Variants in MAN2A1 observed in about 807,000 individuals in gnomAD.
The protein encoded by MAN2A1 is mannosidase alpha class 2A member 1.
Under a neutral mutation model 142.6 loss-of-function variants are expected in MAN2A1, and 76 were observed. The observed-to-expected ratio is 0.53, with a 90% CI of 0.44 to 0.65. The LOEUF is 0.65. Among genes scored for constraint, MAN2A1 ranks in the 30% least tolerant of loss-of-function variants. MAN2A1 has a pLI of 0.00. For synonymous variants in MAN2A1, 559 were observed against 473.2 expected (o/e 1.18, Z -2.35); for missense variants, 1,311 against 1,365.1 (o/e 0.96, Z 0.62).
intron 4 of MAN2A1, among the ~76,000 whole-genome samples, chr5:109,751,488 G>T (rs1309733820): frequency 6.6e-6 from 1 of 151,940 alleles, no homozygotes; most frequent in African/African-American, 2.4e-5. Flanking sequence ...TCCCTTTGGT[G>T]TACTGATTTT....
At chr5:109,813,498 C>T (rs576665833) in intron 12 of MAN2A1, among the ~76,000 whole-genome samples, 1 of 152,324 alleles carries the variant, frequency 6.6e-6, no homozygotes, top group African/African-American at 2.4e-5. Flanking sequence ...CTTATATGTC[C>T]AGTGAGAAGA....
intron 12 of MAN2A1, among the ~76,000 whole-genome samples, chr5:109,795,226 A>G (rs1351211407): frequency 2.6e-5 from 4 of 152,148 alleles, no homozygotes; most frequent in Admixed American, 1.3e-4. Context: ...TCAAGAAAAT[A>G]TAAAGGTCTC....
intron 4 of MAN2A1, among the ~76,000 whole-genome samples, chr5:109,747,978 G>A (rs773185681): frequency 2.0e-5 from 3 of 152,056 alleles, no homozygotes; most frequent in Admixed American, 6.6e-5. Context: ...GTGTTGTACC[G>A]TGCTTTTTAA....
intron 4 of MAN2A1, among the ~76,000 whole-genome samples, chr5:109,739,133 TGCTC>T: frequency 6.6e-6 from 1 of 152,186 alleles, no homozygotes; most frequent in African/African-American, 2.4e-5. Context: ...TCAGCCACTG[TGCTC>T]AGTCCGTATA....
intron 11 of MAN2A1, among the ~76,000 whole-genome samples, 155 bp from the exon 12 acceptor site, chr5:109,789,305 G>GT (rs1414030865): frequency 1.3e-5 from 2 of 151,664 alleles, no homozygotes; most frequent in African/African-American, 4.8e-5. Flanking sequence ...ATAACTAGTT[G>GT]TTTTGCTTGG....
At position 109,784,932 on chromosome 5, in the gene MAN2A1, C is replaced by T; in HGVS notation, c.1760+6C>T. 1 of 1,555,726 alleles carries T rather than the reference C, an allele frequency of 6.4e-7. No individual in the cohort carries two copies. The highest frequency in any genetic ancestry group is 8.7e-7 in the Non-Finnish European group (1 of 1,155,186). ...GTTGTGGATTATGGTACCAGGTAAT[C>T]TAATTATAGAAAAATCATCTTTAAA... On this transcript the variant is annotated splice_donor_region_variant and intron_variant, in intron 10 of 21. Transcript: ENST00000261483.
intron 4 of MAN2A1, among the ~76,000 whole-genome samples, chr5:109,749,755 A>C (rs1433745947): frequency 6.6e-6 from 1 of 152,040 alleles, no homozygotes; most frequent in Admixed American, 6.6e-5. Context: ...TTTAAATTCT[A>C]ATGTTTTTAA....
chr5:109,763,424 AT>A (rs1434654209), intron 5 of MAN2A1, among the ~76,000 whole-genome samples: 1 of 151,546 alleles, frequency 6.6e-6, no homozygotes. Context: ...AGGATATGAC[AT>A]TTCTTTGTAT....
chr5:109,753,633 C>A (rs1752605062), intron 4 of MAN2A1, among the ~76,000 whole-genome samples: 1 of 152,156 alleles, frequency 6.6e-6, no homozygotes, highest in Non-Finnish European at 1.5e-5. Flanking sequence ...GTTATATGAT[C>A]ATGCATATGT....
At chr5:109,716,019 A>G (rs1162235146) in intron 2 of MAN2A1, 101 bp from the exon 3 acceptor site, 1 of 675,184 alleles carries the variant, frequency 1.5e-6, no homozygotes, top group Admixed American at 3.3e-5. Context: ...ATTTTATAAA[A>G]TACATATGCA....
At chr5:109,817,587 G>A in intron 13 of MAN2A1, 149 bp downstream of exon 13, 1 of 676,562 alleles carries the variant, frequency 1.5e-6, no homozygotes, top group South Asian at 2.2e-5. Flanking sequence ...TTAACTGGTG[G>A]GTCAAATGAC....
At chr5:109,790,393 TAA>T (rs1397094969) in intron 12 of MAN2A1, among the ~76,000 whole-genome samples, 11 of 151,926 alleles carry the variant, frequency 7.2e-5, no homozygotes, top group Non-Finnish European at 1.6e-4. Context: ...AAGCATAGAC[TAA>T]AGTCTTAGTT....
chr5:109,832,686 G>C (rs989399577), intron 16 of MAN2A1, among the ~76,000 whole-genome samples: 1 of 152,194 alleles, frequency 6.6e-6, no homozygotes, highest in African/African-American at 2.4e-5. Flanking sequence ...TGAGCTGCTA[G>C]GTACACCTCC....
At chr5:109,750,132 T>C (rs1752506807) in intron 4 of MAN2A1, among the ~76,000 whole-genome samples, 1 of 152,080 alleles carries the variant, frequency 6.6e-6, no homozygotes, top group Non-Finnish European at 1.5e-5. Context: ...GTTATTGCTA[T>C]GCTTCTCAGT....
rs940957470 is a variant in MAN2A1 at position 109,697,260 on chromosome 5, A to G, written c.135+6708A>G. Among the ~76,000 whole-genome samples, 3 of 152,146 alleles carry G rather than the reference A, an allele frequency of 2.0e-5. No individual in the cohort carries two copies. The East Asian group carries it at 5.8e-4, about 29-fold the overall frequency. On this transcript the variant is annotated intron_variant, in intron 1 of 21. Transcript: ENST00000261483. ...ATTGTTTTTATTTCTGTTAATTTTG[A>G]TGATTCTGGTTACAACATTTTAAAT...
intron 7 of MAN2A1, among the ~76,000 whole-genome samples, chr5:109,774,120 A>G (rs1753220243): frequency 6.6e-6 from 1 of 152,220 alleles, no homozygotes; most frequent in Non-Finnish European, 1.5e-5. Flanking sequence ...GTAGAAACCA[A>G]AATAACTAAT....
At chr5:109,826,291 TGATG>T (rs1210522522) in intron 16 of MAN2A1, among the ~76,000 whole-genome samples, 2 of 152,184 alleles carry the variant, frequency 1.3e-5, no homozygotes, top group Non-Finnish European at 2.9e-5. Flanking sequence ...AAATAATAAA[TGATG>T]GATAAATAAG....
At chr5:109,832,731 C>G (rs944445065) in intron 16 of MAN2A1, among the ~76,000 whole-genome samples, 6 of 148,788 alleles carry the variant, frequency 4.0e-5, no homozygotes, top group East Asian at 2.1e-4. Context: ...GGGGCCCCCC[C>G]ACTTCCCTCC....
chr5:109,850,205 A>G (rs1161521684), intron 19 of MAN2A1, among the ~76,000 whole-genome samples: 1 of 152,220 alleles, frequency 6.6e-6, no homozygotes, highest in African/African-American at 2.4e-5. Flanking sequence ...GGACATGCCT[A>G]ATATATGTCA....
Sources: gnomAD v4.1 joint callset for allele counts (sites outside exome capture counted in the v4.1 genomes callset) on GRCh38, gnomAD v4.1.1 for gene constraint, MANE v1.5 for transcripts, NCBI Gene and HGNC (gene_info 2026-07-23, HGNC 2026-07-21) for gene names.